The following AGBL4 variants were observed in gnomAD, a reference collection of about 807,000 sequenced individuals.
AGBL4 encodes the protein cytosolic carboxypeptidase 6.
In AGBL4, 58 loss-of-function variants were observed where a neutral mutation model predicts 66.4. The ratio of observed to expected loss-of-function variants is 0.87; its 90% CI spans 0.71 to 1.09. The LOEUF (loss-of-function observed/expected upper bound fraction) is 1.09. AGBL4 is among the 50% of genes least tolerant of loss of function. The pLI, the probability that AGBL4 is intolerant of heterozygous loss-of-function variation, is 0.00. For synonymous variants in AGBL4, 234 were observed against 222.9 expected, an observed-to-expected ratio of 1.05 and a Z score of -0.44; for missense variants, 579 against 631.0, an observed-to-expected ratio of 0.92 and a Z score of 0.88.
At chr1:49,683,415 C>G (rs1646733006) in intron 3 of AGBL4, among the ~76,000 whole-genome samples, 1 of 152,180 alleles carries the variant, frequency 6.6e-6, no homozygotes, top group African/African-American at 2.4e-5. Flanking sequence ...CTAACAGCCA[C>G]AGGCACTCAT....
intron 4 of AGBL4, among the ~76,000 whole-genome samples, chr1:49,216,745 T>C (rs749470856): frequency 1.1e-3 from 161 of 152,268 alleles, no homozygotes; most frequent in Non-Finnish European, 8.2e-4. Context: ...TGGCAAAAAG[T>C]TACAATTAAG....
rs552489787 is a variant in AGBL4 at position 49,190,712 on chromosome 1, T to C, written c.377+55058A>G. Reference sequence around the variant, plus strand: ...CCTTCCTCTCCCAGCCTCCTTTCACTGTTTTTGTCCGTTTCCACAAAGTTC... The same window carrying C: ...CCTTCCTCTCCCAGCCTCCTTTCACCGTTTTTGTCCGTTTCCACAAAGTTC... On this transcript the variant is annotated intron_variant, in intron 4 of 13. Transcript: ENST00000371839. Among the ~76,000 whole-genome samples the C allele has an allele frequency of 4.6e-5, 7 of 152,302 alleles. No homozygotes were observed. The East Asian group carries it at 1.2e-3, about 25-fold the overall frequency.
chr1:49,563,637 C>A (rs1644112686), intron 3 of AGBL4, among the ~76,000 whole-genome samples: 1 of 152,086 alleles, frequency 6.6e-6, no homozygotes, highest in South Asian at 2.1e-4. Context: ...GTTGAACCAG[C>A]CTTGCATCCC....
At chr1:49,510,953 T>C (rs1649182362) in intron 3 of AGBL4, among the ~76,000 whole-genome samples, 1 of 151,456 alleles carries the variant, frequency 6.6e-6, no homozygotes, top group African/African-American at 2.4e-5. Flanking sequence ...ATCTCTGTTT[T>C]GGTACCAGTA....
At chr1:49,951,953 G>A (rs1009960268) in intron 1 of AGBL4, among the ~76,000 whole-genome samples, 4 of 151,730 alleles carry the variant, frequency 2.6e-5, no homozygotes, top group African/African-American at 7.2e-5. Context: ...AGGAAGAAGC[G>A]AGGGAAGGAG....
chr1:49,256,478 C>A (rs1401533152), intron 3 of AGBL4, among the ~76,000 whole-genome samples: 1 of 152,012 alleles, frequency 6.6e-6, no homozygotes, highest in Non-Finnish European at 1.5e-5. Flanking sequence ...TAAATGTAAT[C>A]AAAAGTGCAA....
intron 1 of AGBL4, among the ~76,000 whole-genome samples, chr1:49,961,635 T>A (rs1196706552): frequency 6.6e-6 from 1 of 152,164 alleles, no homozygotes; most frequent in Admixed American, 6.6e-5. Flanking sequence ...TAATAAAAGA[T>A]GCTTTGAATA....
intron 4 of AGBL4, among the ~76,000 whole-genome samples, chr1:49,103,386 G>A (rs574590728): frequency 9.2e-5 from 14 of 152,218 alleles, no homozygotes; most frequent in Non-Finnish European, 1.8e-4. Context: ...TGAACAGGGC[G>A]CCTATAAGTA....
intron 1 of AGBL4, among the ~76,000 whole-genome samples, chr1:49,877,675 A>G (rs1260919345): frequency 6.6e-6 from 1 of 152,066 alleles, no homozygotes; most frequent in Non-Finnish European, 1.5e-5. Context: ...TGGCCTCATC[A>G]AATGAGTTAG....
intron 3 of AGBL4, among the ~76,000 whole-genome samples, chr1:49,652,697 G>A (rs1296218807): frequency 1.3e-5 from 2 of 152,112 alleles, no homozygotes; most frequent in Non-Finnish European, 2.9e-5. Flanking sequence ...TCCCCACAGC[G>A]CAGCACAGCA....
intron 3 of AGBL4, among the ~76,000 whole-genome samples, chr1:49,537,167 T>G (rs1418116251): frequency 6.6e-6 from 1 of 152,152 alleles, no homozygotes; most frequent in Non-Finnish European, 1.5e-5. Context: ...AAGACTTAAA[T>G]GTAAGACCTG....
At position 49,616,719 on chromosome 1, in the gene AGBL4, G is replaced by T. The variant is rs74418889; in HGVS notation, c.282+80594C>A. Among the ~76,000 whole-genome samples the T allele has an allele frequency of 4.7e-3, 713 of 152,140 alleles. 5 individuals carry two copies. The highest frequency in any genetic ancestry group is 0.016 in the African/African-American group (650 of 41,506). On this transcript the variant is annotated intron_variant, in intron 3 of 13. Transcript: ENST00000371839. The stretch of plus-strand genomic sequence containing the variant: ...GCTCCTTATCTTTCCTCTCAAACTT[G>T]CTTCTTATGAGTCTTTCCTATTTCA...
At position 48,535,022 on chromosome 1, in the gene AGBL4, C is replaced by A. The variant is rs926967289; in HGVS notation, c.1365-106G>T. 3 of 1,024,450 alleles carry A rather than the reference C, an allele frequency of 2.9e-6. No homozygotes were observed. In the African/African-American group the frequency reaches 4.8e-5, roughly 17 times the overall value. 63.5% of individuals were successfully genotyped at this position (1,024,450 alleles called of 1,614,324 possible). A position where few individuals can be genotyped will look rare whatever the true frequency, so the allele number is the denominator to read the frequency against. The stretch of plus-strand genomic sequence containing the variant: ...CATTGAAGGATGTTGTTTTTAACAC[C>A]CAAACGGAGCATAGGACGTAAGTAT... On this transcript the variant is annotated intron_variant, in intron 12 of 13. Transcript: ENST00000371839.
chr1:49,277,865 T>A (rs1644200361), intron 3 of AGBL4, among the ~76,000 whole-genome samples: 1 of 152,166 alleles, frequency 6.6e-6, no homozygotes, highest in Admixed American at 6.5e-5. Context: ...CAGAATCCAC[T>A]GAATGGTGTT....
At chr1:49,804,530 A>G (rs957771168) in intron 2 of AGBL4, among the ~76,000 whole-genome samples, 1 of 152,228 alleles carries the variant, frequency 6.6e-6, no homozygotes, top group Non-Finnish European at 1.5e-5. Context: ...AATTCACACT[A>G]TACTGGCTCA....
intron 2 of AGBL4, among the ~76,000 whole-genome samples, chr1:49,774,997 G>T (rs1292090606): frequency 1.3e-5 from 2 of 152,074 alleles, no homozygotes; most frequent in African/African-American, 4.8e-5. Context: ...AGGAAACAAT[G>T]ATAGTTAAGT....
At chr1:48,990,440 A>T (rs1169749129) in intron 5 of AGBL4, among the ~76,000 whole-genome samples, 2 of 151,994 alleles carry the variant, frequency 1.3e-5, no homozygotes, top group Admixed American at 6.6e-5. Context: ...CTTGCGGGGT[A>T]CTGATCAATA....
intron 6 of AGBL4, among the ~76,000 whole-genome samples, chr1:48,786,821 G>C (rs960330612): frequency 3.5e-5 from 5 of 142,158 alleles, no homozygotes; most frequent in Admixed American, 2.8e-4. Context: ...CAAAAAAGGA[G>C]ACAACTGGAT....
At chr1:49,845,506 G>A in intron 2 of AGBL4, 2 of 1,577,196 alleles carry the variant, frequency 1.3e-6, no homozygotes, top group East Asian at 2.2e-5. Flanking sequence ...TCAGTGTGGT[G>A]AGTGTGGCAA....
Sources: gnomAD v4.1 joint callset for allele counts (sites outside exome capture counted in the v4.1 genomes callset) on GRCh38, gnomAD v4.1.1 for gene constraint, MANE v1.5 for transcripts, NCBI Gene and HGNC (gene_info 2026-07-23, HGNC 2026-07-21) for gene names.